The following ZNF385A variants were observed in gnomAD, a reference collection of about 807,000 sequenced individuals.
The protein encoded by ZNF385A is hematopoietic zinc finger protein.
Under a neutral mutation model 32.1 loss-of-function variants are expected in ZNF385A, and 14 were observed. The ratio of observed to expected loss-of-function variants is 0.44; its 90% CI spans 0.29 to 0.68. The LOEUF (loss-of-function observed/expected upper bound fraction) is 0.68. ZNF385A is among the 30% of genes least tolerant of loss of function. ZNF385A has a pLI of 0.14. For missense variants in ZNF385A, 406 were observed against 478.4 expected (o/e 0.85, Z 1.41); for synonymous variants, 197 against 202.7 (o/e 0.97, Z 0.24).
At chr12:54,384,763 C>T (rs2137293992), upstream of ZNF385A, 1 of 1,260,922 alleles carries the variant, frequency 7.9e-7, no homozygotes, top group Non-Finnish European at 1.0e-6. Context: ...GGGTGTAGAC[C>T]AGTCCTTCCC....
At chr12:54,375,768 C>G in intron 2 of ZNF385A, 76 bp downstream of exon 2, 3 of 1,278,904 alleles carry the variant, frequency 2.3e-6, no homozygotes, top group Non-Finnish European at 3.4e-6. Flanking sequence ...TGTTCTCACC[C>G]AGCCTCTGCC....
exon 1 of ZNF385A, chr12:54,391,238 G>A: frequency 1.4e-6 from 2 of 1,437,788 alleles, no homozygotes; most frequent in Non-Finnish European, 9.2e-7. Flanking sequence ...CACTCACCGA[G>A]GATCATGCTG....
chr12:54,388,431 C>T (rs1422091220), upstream of ZNF385A, among the ~76,000 whole-genome samples: 8 of 152,170 alleles, frequency 5.3e-5, no homozygotes, highest in Non-Finnish European at 1.0e-4. Flanking sequence ...TGGTCTGGAG[C>T]CCCAGCCCTT....
At chr12:54,378,931 G>T (rs1006126738) in intron 1 of ZNF385A, 4 of 452,270 alleles carry the variant, frequency 8.8e-6, no homozygotes, top group South Asian at 1.8e-4. Context: ...GCGCCGATGT[G>T]GGGGATGGGC....
chr12:54,377,921 G>A (rs1954930150), intron 1 of ZNF385A, among the ~76,000 whole-genome samples: 1 of 152,186 alleles, frequency 6.6e-6, no homozygotes, highest in South Asian at 2.1e-4. Flanking sequence ...GCCCCATCAT[G>A]CCAGCCTGCT....
rs140414145 is a variant in ZNF385A at position 54,377,369 on chromosome 12, C to CT, written c.88-1416dup. Among the ~76,000 whole-genome samples, 978 of 152,126 alleles carry CT rather than the reference C, an allele frequency of 6.4e-3. 7 individuals are homozygous for CT. The highest frequency in any genetic ancestry group is 0.021 in the African/African-American group (872 of 41,516). On this transcript the variant is annotated intron_variant, in intron 1 of 6. Transcript: ENST00000394313. ...GGAAAGAAGCCTCTCTAAGGGCTCA[C>CT]TTTTTTTTACCTCAGCTTCCCAGAA...
Position 54,370,649 on chromosome 12 carries a change from A to G in ZNF385A, c.847T>C (p.Ser283Pro). ...ACCGCCAGCTCCCCGGCGCCCCTAG[A>G]CTTCTTGTGACGGCTCAGTAGTGGG... ...PNPLLSRHKK[S>P]RGAGELAGTL... The change falls in exon 6 of 7, where the codon TCT (serine) becomes CCT (proline). Residue 283 changes from serine (S) to proline (P), a missense_variant. Physicochemically the swap from Ser to Pro is moderately conservative, Grantham distance 74. Transcript: ENST00000394313. This position sits in a 1 kb window ranked among gnomAD's most constrained non-coding sequence, Gnocchi z 5.5. 6.2e-7 allele frequency: 1 copy of G among 1,603,348 alleles called. No individual in the cohort carries two copies. The highest frequency in any genetic ancestry group is 8.5e-7 in the Non-Finnish European group (1 of 1,176,270).
chr12:54,378,573 C>T (rs1954964637), intron 1 of ZNF385A, among the ~76,000 whole-genome samples: 1 of 152,100 alleles, frequency 6.6e-6, no homozygotes, highest in Admixed American at 6.5e-5. Context: ...AACTGCTGCC[C>T]CTTGTGTGAG....
rs115411095 is a variant in ZNF385A, at chr12:54,370,554, G to A, written c.871-68C>T. 2.3e-3 allele frequency: 3,551 copies of A among 1,551,160 alleles called. 64 individuals carry two copies. In the African/African-American group the frequency reaches 0.044, roughly 19 times the overall value. ...TCCTGCAAACCCCACCTCTCCCTGGGCAAAGCCCGCGTCCCTCTCTCCTCC... is the reference window on the plus strand; with the variant it reads ...TCCTGCAAACCCCACCTCTCCCTGGACAAAGCCCGCGTCCCTCTCTCCTCC... On this transcript the variant is annotated intron_variant, in intron 6 of 6. Transcript: ENST00000394313. The surrounding 1 kb of genome is among the most constrained non-coding windows in gnomAD (Gnocchi z 5.5).
Position 54,369,969 on chromosome 12 carries a change from G to A in ZNF385A, c.*287C>T. The stretch of plus-strand genomic sequence containing the variant: ...GAAGGGCTGGATGGACATGGCTTTT[G>A]GGAGGGGGGGTGTCTCCAAGGGGGC... On this transcript the variant is annotated 3_prime_UTR_variant, in exon 7 of 7. Transcript: ENST00000394313. 2.9e-6 allele frequency: 1 copy of A among 350,300 alleles called. No homozygotes were observed. Among genetic ancestry groups the A allele is most frequent in the Non-Finnish European group, 5.2e-6 (1 of 193,696 alleles). The allele number at this position is 350,300 out of a possible 1,614,324, so 21.7% of individuals were successfully genotyped here.
chr12:54,369,828 A>T lies in ZNF385A; in HGVS notation c.*428T>A. 1 of 155,040 alleles carries T rather than the reference A, an allele frequency of 6.4e-6. No individual in the cohort carries two copies. Among genetic ancestry groups the T allele is most frequent in the Non-Finnish European group, 1.4e-5 (1 of 69,758 alleles). The allele number at this position is 155,040 out of a possible 1,614,324, so 9.6% of individuals were successfully genotyped here. ...ACGGGGGTGTTCACGGAAGCGCTTC[A>T]GTTTGGGGTAGGGAGCCGGAGTCCC... On this transcript the variant is annotated 3_prime_UTR_variant, in exon 7 of 7. Transcript: ENST00000394313.
chr12:54,381,892 G>C (rs1955198955), intron 1 of ZNF385A, among the ~76,000 whole-genome samples: 1 of 152,078 alleles, frequency 6.6e-6, no homozygotes, highest in African/African-American at 2.4e-5. Context: ...TTCCATGCAA[G>C]CAAAATGCCT....
rs576662657 is a variant in ZNF385A at position 54,380,528 on chromosome 12, C to T, written c.87+3900G>A. Among the ~76,000 whole-genome samples, 8 of 152,280 alleles carry T rather than the reference C, an allele frequency of 5.3e-5. No homozygotes were observed. In the South Asian group the frequency reaches 1.5e-3, roughly 28 times the overall value. On this transcript the variant is annotated intron_variant, in intron 1 of 6. Coordinates refer to ENST00000394313, the MANE Select transcript of ZNF385A (RefSeq NM_015481.3). ...CTTTTCTGCAGTCCTCATTCCCCTG[C>T]AGAATTTGACAGTATTGATGCAGCC...
At chr12:54,388,849 A>C (rs534794784), upstream of ZNF385A, among the ~76,000 whole-genome samples, 2 of 152,246 alleles carry the variant, frequency 1.3e-5, no homozygotes, top group East Asian at 3.9e-4. Context: ...TTCCATGTAT[A>C]TGTCCCCTTC....
intron 1 of ZNF385A, among the ~76,000 whole-genome samples, chr12:54,376,368 A>G (rs912046162): frequency 2.0e-5 from 3 of 152,042 alleles, no homozygotes; most frequent in Non-Finnish European, 2.9e-5. Context: ...TAGGGCCTTC[A>G]GCTGAAGCCT....
At chr12:54,375,045 T>A (rs1052176941) in intron 2 of ZNF385A, among the ~76,000 whole-genome samples, 1 of 150,772 alleles carries the variant, frequency 6.6e-6, no homozygotes, top group African/African-American at 2.4e-5. Flanking sequence ...AAAGTAGCAG[T>A]GTGCAGAGCC....
At chr12:54,383,602 T>G (rs986372903) in intron 1 of ZNF385A, among the ~76,000 whole-genome samples, 2 of 152,142 alleles carry the variant, frequency 1.3e-5, no homozygotes, top group African/African-American at 4.8e-5. Context: ...TGCTCAAGAA[T>G]AGACAGTGGC....
rs549057257 is a variant in ZNF385A at position 54,382,322 on chromosome 12, C to T, written c.87+2106G>A. On this transcript the variant is annotated intron_variant, in intron 1 of 6. Coordinates refer to ENST00000394313, the MANE Select transcript of ZNF385A (RefSeq NM_015481.3). ...ATCTCCTGACCTTGTGATCCGCCTGCCTCGGCCTCCCAAAGTGCTGGGATT... is the reference window on the plus strand; with the variant it reads ...ATCTCCTGACCTTGTGATCCGCCTGTCTCGGCCTCCCAAAGTGCTGGGATT... Among the ~76,000 whole-genome samples the T allele has an allele frequency of 1.3e-4, 20 of 152,116 alleles. No homozygotes were observed. The South Asian group carries it at 2.7e-3, about 21-fold the overall frequency.
At chr12:54,377,504 A>G (rs1310273809) in intron 1 of ZNF385A, among the ~76,000 whole-genome samples, 1 of 152,142 alleles carries the variant, frequency 6.6e-6, no homozygotes, top group East Asian at 1.9e-4. Context: ...AGTGTCATGT[A>G]CTGTGCGTAC....
Sources: gnomAD v4.1 joint callset for allele counts (sites outside exome capture counted in the v4.1 genomes callset) on GRCh38, gnomAD v4.1.1 for gene constraint, Gnocchi (gnomAD v3.1) non-coding constraint, MANE v1.5 for transcripts, NCBI Gene and HGNC (gene_info 2026-07-23, HGNC 2026-07-21) for gene names.